DPP10: variants seen among roughly 807,000 people sequenced by gnomAD.
The protein encoded by DPP10 is dipeptidyl peptidase like 10, also known as inactive dipeptidyl peptidase 10.
DPP10 carries 33 observed loss-of-function variants against 120.9 expected under a neutral mutation model. The observed-to-expected ratio is 0.27, with a 90% CI of 0.21 to 0.37. The LOEUF (loss-of-function observed/expected upper bound fraction) is 0.37, where lower values mean the gene tolerates loss of function less well. DPP10 is among the 10% of genes least tolerant of loss of function. The pLI is 1.00. For synonymous variants in DPP10, 337 were observed against 326.1 expected (o/e 1.03, Z -0.36); for missense variants, 816 against 942.8 (o/e 0.87, Z 1.76).
chr2:114,740,558 A>G (rs182676905), intron 1 of DPP10, among the ~76,000 whole-genome samples: 7 of 152,298 alleles, frequency 4.6e-5, no homozygotes, highest in Admixed American at 3.9e-4. Flanking sequence ...CTTGCTCCCT[A>G]GATATTCAGA....
intron 7 of DPP10, among the ~76,000 whole-genome samples, chr2:115,693,919 C>T (rs1450598063): frequency 1.3e-5 from 2 of 152,094 alleles, no homozygotes; most frequent in East Asian, 3.9e-4. Context: ...AGTATCTGGC[C>T]TATAATAAGT....
At chr2:115,533,210 C>T (rs945868347) in intron 5 of DPP10, among the ~76,000 whole-genome samples, 1 of 152,034 alleles carries the variant, frequency 6.6e-6, no homozygotes, top group African/African-American at 2.4e-5. Flanking sequence ...GAGCTGTCCT[C>T]TATACATAAT....
intron 1 of DPP10, among the ~76,000 whole-genome samples, chr2:114,483,811 C>T (rs1207889660): frequency 6.6e-6 from 1 of 152,098 alleles, no homozygotes; most frequent in Non-Finnish European, 1.5e-5. Flanking sequence ...TTTTAAAAAT[C>T]TTGATTTCTA....
intron 1 of DPP10, among the ~76,000 whole-genome samples, chr2:114,624,445 T>C (rs1315558368): frequency 6.6e-6 from 1 of 151,950 alleles, no homozygotes; most frequent in Non-Finnish European, 1.5e-5. Flanking sequence ...AATTATCATG[T>C]GAATATTATC....
In DPP10 at chr2:115,768,868, C is replaced by T. The variant is rs116489339; in HGVS notation, c.1221+464C>T. ...CACATCCCCACAAGCAAATACAGTG[C>T]AGATTTTTAAAAAACAGGATAAAAT... On this transcript the variant is annotated intron_variant, in intron 13 of 25. Coordinates refer to ENST00000410059, the MANE Select transcript of DPP10 (RefSeq NM_020868.6). 5.0e-3 allele frequency among the ~76,000 whole-genome samples: 760 copies of T among 151,236 alleles called. 3 individuals are homozygous for T. Among genetic ancestry groups the T allele is most frequent in the African/African-American group, 0.017 (714 of 41,260 alleles).
intron 1 of DPP10, among the ~76,000 whole-genome samples, chr2:115,211,091 A>C (rs1358450620): frequency 6.6e-6 from 1 of 152,136 alleles, no homozygotes; most frequent in Non-Finnish European, 1.5e-5. Flanking sequence ...TTTAAAGTTT[A>C]ATATATAACT....
chr2:114,940,544 G>C (rs1379766769), intron 1 of DPP10, among the ~76,000 whole-genome samples: 1 of 146,834 alleles, frequency 6.8e-6, no homozygotes, highest in Non-Finnish European at 1.5e-5. Context: ...ATCTACACCA[G>C]AGACCACTCA....
intron 1 of DPP10, among the ~76,000 whole-genome samples, chr2:114,807,469 C>G (rs918012881): frequency 1.3e-5 from 2 of 152,064 alleles, no homozygotes; most frequent in Admixed American, 6.6e-5. Context: ...ACTATAATTT[C>G]CCTGCTGTGC....
chr2:115,195,581 G>A (rs1051857150), intron 1 of DPP10, among the ~76,000 whole-genome samples: 1 of 152,240 alleles, frequency 6.6e-6, no homozygotes, highest in South Asian at 2.1e-4. Context: ...TTGACTATAT[G>A]TACCCAGAAA....
In DPP10 at chr2:115,840,756, T is replaced by C. The variant is rs922931842; in HGVS notation, c.2189T>C (p.Val730Ala). ...ATAATTTGATTTCTTGCAGCAAAAG[T>C]TCATTTCCAACACTCAGCAGAATTA... ...LIIHGTADTK[V>A]HFQHSAELIK... The change falls in exon 25 of 26, where the codon GTT becomes GCT. Residue 730 changes from valine (V) to alanine (A), a missense_variant. Physicochemically the swap from Val to Ala is moderately conservative, Grantham distance 64. Transcript: ENST00000410059. 3 of 1,613,598 alleles carry C rather than the reference T, an allele frequency of 1.9e-6. No homozygotes were observed. The highest frequency in any genetic ancestry group is 2.2e-5 in the East Asian group (1 of 44,798).
At chr2:114,887,452 T>G (rs774651154) in intron 1 of DPP10, among the ~76,000 whole-genome samples, 30 of 152,250 alleles carry the variant, frequency 2.0e-4, no homozygotes, top group Non-Finnish European at 2.4e-4. Context: ...GTTTTACAAC[T>G]ATTCAGTTAA....
At chr2:115,086,594 C>T (rs551327405) in intron 1 of DPP10, among the ~76,000 whole-genome samples, 1 of 151,790 alleles carries the variant, frequency 6.6e-6, no homozygotes, top group Non-Finnish European at 1.5e-5. Context: ...GTAGCTGGGA[C>T]TACAGGCGCC....
chr2:114,748,360 T>TA (rs1558698894), intron 1 of DPP10, among the ~76,000 whole-genome samples: 3 of 126,792 alleles, frequency 2.4e-5, no homozygotes, highest in South Asian at 5.1e-4. Flanking sequence ...TATTTTTTTT[T>TA]ATTTTATTTA....
At chr2:114,872,243 C>T (rs1344619024) in intron 1 of DPP10, among the ~76,000 whole-genome samples, 1 of 152,106 alleles carries the variant, frequency 6.6e-6, no homozygotes. Flanking sequence ...GAAGCAAACA[C>T]GTCCTTCTTC....
chr2:115,355,905 A>T (rs2064350101), intron 3 of DPP10, among the ~76,000 whole-genome samples: 1 of 152,066 alleles, frequency 6.6e-6, no homozygotes, highest in Admixed American at 6.6e-5. Flanking sequence ...GTTCTGTTCC[A>T]TTGGTCTATA....
chr2:114,823,309 A>G (rs1686252622), intron 1 of DPP10, among the ~76,000 whole-genome samples: 1 of 151,638 alleles, frequency 6.6e-6, no homozygotes, highest in South Asian at 2.1e-4. Flanking sequence ...TCTCATGAAA[A>G]CTCTGTCATG....
intron 2 of DPP10, among the ~76,000 whole-genome samples, chr2:115,324,403 T>G (rs2062231838): frequency 6.6e-6 from 1 of 152,196 alleles, no homozygotes; most frequent in Non-Finnish European, 1.5e-5. Context: ...TAACTGGCTG[T>G]AGTTTCTACA....
At chr2:114,614,458 G>A (rs1693528501) in intron 1 of DPP10, among the ~76,000 whole-genome samples, 1 of 152,078 alleles carries the variant, frequency 6.6e-6, no homozygotes, top group Non-Finnish European at 1.5e-5. Context: ...GGATTTTTAT[G>A]TTATATGTCA....
intron 1 of DPP10, among the ~76,000 whole-genome samples, chr2:114,509,938 A>T (rs1490697212): frequency 3.9e-5 from 6 of 152,284 alleles, no homozygotes; most frequent in Admixed American, 2.6e-4. Flanking sequence ...ACATGACTTT[A>T]AAAAAATGTA....
Sources: gnomAD v4.1 joint callset for allele counts (sites outside exome capture counted in the v4.1 genomes callset) on GRCh38, gnomAD v4.1.1 for gene constraint, MANE v1.5 for transcripts, NCBI Gene and HGNC (gene_info 2026-07-23, HGNC 2026-07-21) for gene names.